TLN2: variants seen among roughly 807,000 people sequenced by gnomAD.
TLN2 encodes talin 2, also known as talin-2.
TLN2 carries 118 observed loss-of-function variants against 294.7 expected under a neutral mutation model. The ratio of observed to expected loss-of-function variants is 0.40; its 90% CI spans 0.34 to 0.47. TLN2 has a LOEUF of 0.47. TLN2 is among the 20% of genes least tolerant of loss of function. The pLI is 0.84. For synonymous variants in TLN2, 1,431 were observed against 1,304.5 expected, an observed-to-expected ratio of 1.10 and a Z score of -2.09; for missense variants, 3,083 against 3,282.2, an observed-to-expected ratio of 0.94 and a Z score of 1.48.
chr15:62,497,360 A>C (rs1220873915), intron 1 of TLN2, among the ~76,000 whole-genome samples: 1 of 152,198 alleles, frequency 6.6e-6, no homozygotes, highest in African/African-American at 2.4e-5. Context: ...CAGAAGTTTA[A>C]ATCTATGAAG....
intron 1 of TLN2, among the ~76,000 whole-genome samples, chr15:62,396,184 A>T (rs973553961): frequency 6.6e-6 from 1 of 152,332 alleles, no homozygotes; most frequent in East Asian, 1.9e-4. Flanking sequence ...TTGGAGAAAG[A>T]TGTGTAAGGA....
intron 1 of TLN2, among the ~76,000 whole-genome samples, chr15:62,494,933 T>C (rs1362525956): frequency 6.6e-6 from 1 of 152,106 alleles, no homozygotes; most frequent in Non-Finnish European, 1.5e-5. Flanking sequence ...CCCTCCTTTT[T>C]CTCTGTTCCC....
At chr15:62,712,473 G>A in intron 22 of TLN2, among the ~76,000 whole-genome samples, 1 of 152,148 alleles carries the variant, frequency 6.6e-6, no homozygotes, top group East Asian at 1.9e-4. Flanking sequence ...CTATTATCAA[G>A]ATTTTGCACA....
At position 62,738,126 on chromosome 15, in the gene TLN2, T is replaced by C; in HGVS notation, c.3568-88T>C. 3 of 1,507,438 alleles carry C rather than the reference T, an allele frequency of 2.0e-6. No homozygotes were observed. In the South Asian group the frequency reaches 3.8e-5, roughly 19 times the overall value. The allele number at this position is 1,507,438 out of a possible 1,614,324, so 93.4% of individuals were successfully genotyped here. On this transcript the variant is annotated intron_variant, in intron 29 of 58. Transcript: ENST00000636159. ...GCTGGTGGGTCATTTCCGTATCTGCTTCAGCTCTGCATGTTTCACTGCCCA... is the reference window on the plus strand; with the variant it reads ...GCTGGTGGGTCATTTCCGTATCTGCCTCAGCTCTGCATGTTTCACTGCCCA...
intron 46 of TLN2, 145 bp from the exon 47 acceptor site, chr15:62,795,982 G>C: frequency 1.9e-6 from 2 of 1,064,736 alleles, no homozygotes; most frequent in Non-Finnish European, 2.6e-6. Flanking sequence ...CTGGTATCCA[G>C]ACTGAGGCCG....
chr15:62,458,343 C>T (rs2036599295), intron 1 of TLN2, among the ~76,000 whole-genome samples: 1 of 152,168 alleles, frequency 6.6e-6, no homozygotes, highest in Admixed American at 6.5e-5. Context: ...AGAAATAGTA[C>T]ATTTGGAATC....
chr15:62,468,730 G>A (rs978454077), intron 1 of TLN2, among the ~76,000 whole-genome samples: 18 of 144,174 alleles, frequency 1.2e-4, no homozygotes, highest in Admixed American at 3.7e-4. Context: ...GGGCGACAGA[G>A]CTAGACTCTG....
In TLN2 at chr15:62,390,573, G is replaced by GGCGGCAGCGGCT. The variant is rs1555400827; in HGVS notation, c.-348_-337dup. On this transcript the variant is annotated 5_prime_UTR_variant, in exon 1 of 59. Transcript: ENST00000636159. Reference sequence around the variant, plus strand: ...TTGTTCCGCGCCCGGAGCCAGCGGCGGCGGCAGCGGCTGAGGCGGCTGCGG... The same window carrying GGCGGCAGCGGCT: ...TTGTTCCGCGCCCGGAGCCAGCGGCGGCGGCAGCGGCTGCGGCAGCGGCTGAGGCGGCTGCGG... 6.6e-6 allele frequency: 1 copy of GGCGGCAGCGGCT among 152,170 alleles called. No homozygotes were observed. Among genetic ancestry groups the GGCGGCAGCGGCT allele is most frequent in the African/African-American group, 2.4e-5 (1 of 41,404 alleles). 9.4% of individuals were successfully genotyped at this position (152,170 alleles called of 1,614,324 possible).
chr15:62,505,626 A>G (rs574658397), intron 1 of TLN2, among the ~76,000 whole-genome samples: 13 of 152,146 alleles, frequency 8.5e-5, no homozygotes, highest in East Asian at 3.9e-4. Flanking sequence ...CAGAACTACA[A>G]CGTTGGCTCT....
chr15:62,533,223 C>T (rs2041148187), intron 1 of TLN2, among the ~76,000 whole-genome samples: 1 of 142,882 alleles, frequency 7.0e-6, no homozygotes, highest in Non-Finnish European at 1.5e-5. Flanking sequence ...CATTGCACTC[C>T]AGCCTCGGTG....
At chr15:62,435,756 G>A (rs2035257844) in intron 1 of TLN2, among the ~76,000 whole-genome samples, 1 of 152,094 alleles carries the variant, frequency 6.6e-6, no homozygotes, top group Non-Finnish European at 1.5e-5. Flanking sequence ...TGGCCTGGGT[G>A]GTCTTGAACT....
chr15:62,668,903 T>G (rs1171876802), intron 9 of TLN2, among the ~76,000 whole-genome samples: 1 of 152,228 alleles, frequency 6.6e-6, no homozygotes, highest in African/African-American at 2.4e-5. Context: ...AAAAGTCATT[T>G]AAAATGTAGA....
intron 2 of TLN2, among the ~76,000 whole-genome samples, chr15:62,600,486 C>T (rs1323909629): frequency 6.6e-6 from 1 of 152,074 alleles, no homozygotes; most frequent in Non-Finnish European, 1.5e-5. Context: ...TGTTTAAGGA[C>T]CATGTTTTCA....
Position 62,494,124 on chromosome 15 carries a change from C to T in TLN2, c.-237-95563C>T, listed in dbSNP as rs1296097104. Among the ~76,000 whole-genome samples the T allele has an allele frequency of 2.0e-5, 3 of 152,108 alleles. No individual in the cohort carries two copies. In the East Asian group the frequency reaches 5.8e-4, roughly 29 times the overall value. On this transcript the variant is annotated intron_variant, in intron 1 of 58. Coordinates refer to ENST00000636159, the MANE Select transcript of TLN2 (RefSeq NM_015059.3). ...TTCATGTGAATTTTTATCTTCAGTGCTTTTCATGTCTTCAATTATCCAAGT... is the reference window on the plus strand; with the variant it reads ...TTCATGTGAATTTTTATCTTCAGTGTTTTTCATGTCTTCAATTATCCAAGT...
At chr15:62,598,975 C>T (rs1309892916) in intron 2 of TLN2, among the ~76,000 whole-genome samples, 1 of 152,068 alleles carries the variant, frequency 6.6e-6, no homozygotes, top group African/African-American at 2.4e-5. Flanking sequence ...TTCCACAGAC[C>T]TGTTACCAAA....
At position 62,771,078 on chromosome 15, in the gene TLN2, G is replaced by T. The variant is rs746598804; in HGVS notation, c.5311G>T (p.Ala1771Ser). Residue 1771 changes from alanine to serine, a missense_variant, in exon 42 of 59, where the codon GCA becomes TCA. Coordinates refer to ENST00000636159, the MANE Select transcript of TLN2 (RefSeq NM_015059.3). ...MTVLDQTKTL[A>S]ESALQMLYAA... is the part of the protein sequence containing the mutation. The stretch of plus-strand genomic sequence containing the variant: ...GGTGCTGGACCAGACCAAGACTCTC[G>T]CAGAGTCTGCCTTGCAGATGTTGTA... The T allele has an allele frequency of 2.5e-6, 4 of 1,613,498 alleles. No homozygotes were observed. Among genetic ancestry groups the T allele is most frequent in the Admixed American group, 3.3e-5 (2 of 59,962 alleles).
chr15:62,441,196 G>A (rs1177342431), intron 1 of TLN2, among the ~76,000 whole-genome samples: 1 of 152,138 alleles, frequency 6.6e-6, no homozygotes, highest in Non-Finnish European at 1.5e-5. Context: ...CACATGGAGG[G>A]ATCCCTTCCA....
At chr15:62,402,444 T>C (rs1027493885) in intron 1 of TLN2, among the ~76,000 whole-genome samples, 3 of 152,180 alleles carry the variant, frequency 2.0e-5, no homozygotes, top group Non-Finnish European at 4.4e-5. Flanking sequence ...TTTTTCATTG[T>C]CCATCATCCC....
intron 1 of TLN2, among the ~76,000 whole-genome samples, chr15:62,562,699 C>T (rs141404148): frequency 0.011 from 1,609 of 152,062 alleles, 24 homozygotes; most frequent in African/African-American, 0.037. Context: ...ACCCACTTCC[C>T]ACCCTTTCCC....
Sources: allele counts gnomAD v4.1 joint callset (sites outside exome capture counted in the v4.1 genomes callset), GRCh38; gene constraint gnomAD v4.1.1; transcripts MANE v1.5; gene names NCBI Gene and HGNC (gene_info 2026-07-23, HGNC 2026-07-21).